The following ENG variants were observed in gnomAD, a reference collection of about 807,000 sequenced individuals.
ENG encodes endoglin.
ENG carries 17 observed loss-of-function variants against 71.0 expected under a neutral mutation model. That is an observed-to-expected ratio of 0.24 (90% CI 0.16 to 0.36). ENG has a LOEUF of 0.36. Ranked by LOEUF, ENG falls within the 10% of genes least tolerant of loss-of-function variation. The pLI, the probability that ENG is intolerant of heterozygous loss-of-function variation, is 1.00. For synonymous variants in ENG, 360 were observed against 366.9 expected, an observed-to-expected ratio of 0.98 and a Z score of 0.21; for missense variants, 749 against 868.3, an observed-to-expected ratio of 0.86 and a Z score of 1.73.
At chr9:127,827,781 C>A (rs181005824) in intron 3 of ENG, among the ~76,000 whole-genome samples, 15 of 151,996 alleles carry the variant, frequency 9.9e-5, no homozygotes, top group East Asian at 9.7e-4. Context: ...TTTGGGAGGC[C>A]GAGGCGGGTG....
chr9:127,844,863 G>A (rs1446657432), intron 1 of ENG, among the ~76,000 whole-genome samples: 1 of 152,222 alleles, frequency 6.6e-6, no homozygotes, highest in Non-Finnish European at 1.5e-5. Flanking sequence ...GGTGGTGGGA[G>A]GAATGGTCTG....
Position 127,818,614 on chromosome 9 carries a change from G to T in ENG, c.1428+102C>A. 2.1e-6 allele frequency: 3 copies of T among 1,441,910 alleles called. No homozygotes were observed. In the South Asian group the frequency reaches 3.4e-5, roughly 17 times the overall value. 89.3% of individuals were successfully genotyped at this position (1,441,910 alleles called of 1,614,324 possible). ...CGTGCACCCAGGCTGTCTCCCTCCT[G>T]ACTCTGGGAGTCTCATCTCCTCTGG... is the stretch of plus-strand genomic sequence containing the variant. On this transcript the variant is annotated intron_variant, in intron 11 of 14. Coordinates refer to ENST00000373203, the MANE Select transcript of ENG (RefSeq NM_001114753.3).
chr9:127,818,590 G>A (rs941764619), intron 11 of ENG, 126 bp downstream of exon 11: 13 of 1,376,276 alleles, frequency 9.4e-6, no homozygotes, highest in South Asian at 2.3e-5. Flanking sequence ...TCCCTCTCCC[G>A]TGCACCCAGG....
intron 3 of ENG, chr9:127,827,309 C>G (rs1830642053): frequency 6.6e-6 from 1 of 152,488 alleles, no homozygotes; most frequent in Admixed American, 6.5e-5. Context: ...ACTAGACATG[C>G]ATCAAGTCAT....
chr9:127,815,531 G>A lies in ENG; in HGVS notation c.*151C>T. 7.2e-7 allele frequency: 1 copy of A among 1,391,510 alleles called. No individual in the cohort carries two copies. The highest frequency in any genetic ancestry group is 9.5e-7 in the Non-Finnish European group (1 of 1,054,734). The allele number at this position is 1,391,510 out of a possible 1,614,324, so 86.2% of individuals were successfully genotyped here. On this transcript the variant is annotated 3_prime_UTR_variant, in exon 15 of 15. Coordinates refer to ENST00000373203, the MANE Select transcript of ENG (RefSeq NM_001114753.3). ...CAAGCCAGTGGCTGCACTGGCAGCAGGCCTCTGAGAGGGAGGCGGGAAGGG... is the reference window on the plus strand; with the variant it reads ...CAAGCCAGTGGCTGCACTGGCAGCAAGCCTCTGAGAGGGAGGCGGGAAGGG...
At position 127,836,934 on chromosome 9, in the gene ENG, C is replaced by T. The variant is rs1019967495; in HGVS notation, c.219+6160G>A. 6.6e-6 allele frequency among the ~76,000 whole-genome samples: 1 copy of T among 152,104 alleles called. No homozygotes were observed. The highest frequency in any genetic ancestry group is 1.5e-5 in the Non-Finnish European group (1 of 68,014). On this transcript the variant is annotated intron_variant, in intron 2 of 14. Coordinates refer to ENST00000373203, the MANE Select transcript of ENG (RefSeq NM_001114753.3). The surrounding 1 kb of genome is among the most constrained non-coding windows in gnomAD (Gnocchi z 4.0). ...TCCTGAGTAGCTGGGACTACAGGCA[C>T]CCACCACCATGCTCAGCTAATTTTT...
intron 10 of ENG, 142 bp downstream of exon 10, chr9:127,819,480 C>G (rs1358524650): frequency 3.6e-6 from 4 of 1,119,572 alleles, no homozygotes; most frequent in Non-Finnish European, 4.0e-6. Context: ...TCCGGTCATA[C>G]AGAAGGGGAG....
In ENG at chr9:127,846,853, GA is replaced by G; in HGVS notation, c.68-3609del. 1.0e-6 allele frequency: 1 copy of G among 985,456 alleles called. No homozygotes were observed. Among genetic ancestry groups the G allele is most frequent in the Non-Finnish European group, 1.2e-6 (1 of 830,018 alleles). 61.0% of individuals were successfully genotyped at this position (985,456 alleles called of 1,614,324 possible). ...ACTGGAACCCCAAGTGAGAGACCCA[GA>G]AGCCACCTCCCACCACTGTCCCCTC... On this transcript the variant is annotated intron_variant, in intron 1 of 14. Transcript: ENST00000373203. The surrounding 1 kb of genome is among the most constrained non-coding windows in gnomAD (Gnocchi z 5.5).
At position 127,836,170 on chromosome 9, in the gene ENG, GC is replaced by G. The variant is rs1256646994; in HGVS notation, c.220-6344del. ...TCTCTCCCGGCCGGGGGCCCCAGAG[GC>G]AAAAAACGATGGCGCCAGCCTTGCC... is the stretch of plus-strand genomic sequence containing the variant. On this transcript the variant is annotated intron_variant, in intron 2 of 14. Transcript: ENST00000373203. This position sits in a 1 kb window ranked among gnomAD's most constrained non-coding sequence, Gnocchi z 4.0. Among the ~76,000 whole-genome samples the G allele has an allele frequency of 6.6e-6, 1 of 152,170 alleles. No individual in the cohort carries two copies. Among genetic ancestry groups the G allele is most frequent in the African/African-American group, 2.4e-5 (1 of 41,436 alleles).
intron 10 of ENG, 55 bp from the exon 11 acceptor site, chr9:127,818,887 C>G: frequency 6.6e-7 from 1 of 1,518,670 alleles, no homozygotes; most frequent in Non-Finnish European, 9.1e-7. Flanking sequence ...GCCAGGAGGG[C>G]GAGGGGTGTG....
chr9:127,843,320 C>G (rs1464083102), intron 1 of ENG, 75 bp from the exon 2 acceptor site: 8 of 1,602,444 alleles, frequency 5.0e-6, no homozygotes, highest in Non-Finnish European at 6.8e-6. Context: ...CCAAACGTCT[C>G]CTAGGGACTT....
At chr9:127,845,685 A>G (rs747106299) in intron 1 of ENG, among the ~76,000 whole-genome samples, 6 of 152,220 alleles carry the variant, frequency 3.9e-5, no homozygotes, top group Non-Finnish European at 7.4e-5. Flanking sequence ...GAGACTGGGC[A>G]CATGGCAATT....
chr9:127,818,433 CCTG>C, intron 11 of ENG, 56 bp from the exon 12 acceptor site: 1 of 1,604,040 alleles, frequency 6.2e-7, no homozygotes. Context: ...CCCCACCCCA[CCTG>C]CTGCCTTCAA....
At chr9:127,828,112 A>G (rs1830669837) in intron 3 of ENG, among the ~76,000 whole-genome samples, 1 of 151,482 alleles carries the variant, frequency 6.6e-6, no homozygotes, top group Admixed American at 6.6e-5. Context: ...GCCTGGCCCA[A>G]GCTAGATATT....
chr9:127,854,214 G>A (rs1261671995), intron 1 of ENG, 75 bp downstream of exon 1: 2 of 1,467,934 alleles, frequency 1.4e-6, no homozygotes, highest in East Asian at 4.9e-5. Flanking sequence ...ATACAGGAAG[G>A]AGGCCGGGAA....
intron 10 of ENG, 65 bp from the exon 11 acceptor site, chr9:127,818,897 G>A (rs1830403862): frequency 7.0e-7 from 1 of 1,435,408 alleles, no homozygotes; most frequent in Non-Finnish European, 9.8e-7. Context: ...CGAGGGGTGT[G>A]GGGAGGAACA....
chr9:127,834,525 C>T (rs904222043), intron 2 of ENG, among the ~76,000 whole-genome samples: 15 of 152,236 alleles, frequency 9.9e-5, no homozygotes, highest in Non-Finnish European at 1.6e-4. Context: ...CTGCCTCAGA[C>T]TCCTGAGTAA....
chr9:127,820,703 C>G (rs1830448247), intron 8 of ENG, among the ~76,000 whole-genome samples: 2 of 151,528 alleles, frequency 1.3e-5, no homozygotes, highest in Non-Finnish European at 2.9e-5. Flanking sequence ...GTGGCGGGCT[C>G]CCGTAGTCCC....
At chr9:127,821,802 G>A (rs1309663206) in intron 8 of ENG, among the ~76,000 whole-genome samples, 2 of 148,188 alleles carry the variant, frequency 1.3e-5, no homozygotes, top group Non-Finnish European at 1.5e-5. Flanking sequence ...AGAATTGCTT[G>A]AACCCGGGAG....
Sources: allele counts gnomAD v4.1 joint callset (sites outside exome capture counted in the v4.1 genomes callset), GRCh38; gene constraint gnomAD v4.1.1; non-coding constraint Gnocchi (gnomAD v3.1); transcripts MANE v1.5; gene names NCBI Gene and HGNC (gene_info 2026-07-23, HGNC 2026-07-21).